ZWILCH: variants seen among roughly 807,000 people sequenced by gnomAD.
The protein encoded by ZWILCH is protein zwilch homolog.
ZWILCH carries 74 observed loss-of-function variants against 79.9 expected under a neutral mutation model. That is an observed-to-expected ratio of 0.93 (90% CI 0.77 to 1.12). The LOEUF is 1.12. ZWILCH is among the 50% of genes most tolerant of loss of function. The pLI is 0.00. For synonymous variants in ZWILCH, 241 were observed against 228.2 expected (o/e 1.06, Z -0.51); for missense variants, 694 against 687.5 (o/e 1.01, Z -0.11).
rs200101815 is a variant in ZWILCH, at chr15:66,518,862, T to C, written c.321-17T>C. 260 of 1,608,630 alleles carry C rather than the reference T, an allele frequency of 1.6e-4. 1 individual carries two copies. The African/African-American group carries it at 3.3e-3, about 20-fold the overall frequency. On this transcript the variant is annotated splice_polypyrimidine_tract_variant and intron_variant, in intron 4 of 18. Coordinates refer to ENST00000307897, the MANE Select transcript of ZWILCH (RefSeq NM_017975.5). Reference sequence around the variant, plus strand: ...GGAAATCTCTATCTATAATTTGTCCTTACTCTTGTTTTAAAGGCAGTTAAT... The same window carrying C: ...GGAAATCTCTATCTATAATTTGTCCCTACTCTTGTTTTAAAGGCAGTTAAT...
At chr15:66,522,164 C>T (rs766407414) in intron 7 of ZWILCH, among the ~76,000 whole-genome samples, 1 of 151,842 alleles carries the variant, frequency 6.6e-6, no homozygotes, top group South Asian at 2.1e-4. Context: ...TGCCACTGCG[C>T]TCCAGCCTGG....
chr15:66,545,346 T>C (rs907328201), intron 17 of ZWILCH, among the ~76,000 whole-genome samples: 3 of 152,026 alleles, frequency 2.0e-5, no homozygotes, highest in African/African-American at 7.2e-5. Context: ...AATAGCAAAA[T>C]TCTGTCTCCA....
intron 2 of ZWILCH, 77 bp from the exon 3 acceptor site, chr15:66,513,911 A>G (rs1894162352): frequency 8.5e-7 from 1 of 1,180,406 alleles, no homozygotes; most frequent in African/African-American, 1.5e-5. Flanking sequence ...TGACTTGCAT[A>G]GAACTGGTCT....
At chr15:66,513,441 C>T (rs1311551122) in intron 2 of ZWILCH, among the ~76,000 whole-genome samples, 1 of 151,950 alleles carries the variant, frequency 6.6e-6, no homozygotes, top group Non-Finnish European at 1.5e-5. Context: ...TGGCACACAC[C>T]TGAAGTTCCA....
Position 66,548,716 on chromosome 15 carries a change from C to T in ZWILCH, c.*392C>T, listed in dbSNP as rs1205018503. ...TTGGGAAAACTTAAAAAATAGCATC[C>T]TCAAATTTTCTGATTCTTATTTGCC... On this transcript the variant is annotated 3_prime_UTR_variant, in exon 19 of 19. Coordinates refer to ENST00000307897, the MANE Select transcript of ZWILCH (RefSeq NM_017975.5). 3 of 482,542 alleles carry T rather than the reference C, an allele frequency of 6.2e-6. No individual in the cohort carries two copies. Among genetic ancestry groups the T allele is most frequent in the Non-Finnish European group, 1.1e-5 (3 of 265,924 alleles). 29.9% of individuals were successfully genotyped at this position (482,542 alleles called of 1,614,324 possible). A position where few individuals can be genotyped will look rare whatever the true frequency, so the allele number is the denominator to read the frequency against.
At chr15:66,543,151 A>G (rs1895247361) in intron 17 of ZWILCH, among the ~76,000 whole-genome samples, 1 of 152,198 alleles carries the variant, frequency 6.6e-6, no homozygotes, top group Non-Finnish European at 1.5e-5. Flanking sequence ...ATGAGCCAAG[A>G]TCGTGCTCTT....
Position 66,546,712 on chromosome 15 carries a change from ATGT to A in ZWILCH, c.*26+9_*26+11del, listed in dbSNP as rs774849358. 11 of 1,481,662 alleles carry A rather than the reference ATGT, an allele frequency of 7.4e-6. No individual in the cohort carries two copies. Among genetic ancestry groups the A allele is most frequent in the Non-Finnish European group, 9.2e-6 (10 of 1,086,782 alleles). 91.8% of individuals were successfully genotyped at this position (1,481,662 alleles called of 1,614,324 possible). A position where few individuals can be genotyped will look rare whatever the true frequency, so the allele number is the denominator to read the frequency against. On this transcript the variant is annotated splice_region_variant and intron_variant, in intron 18 of 18. Coordinates refer to ENST00000307897, the MANE Select transcript of ZWILCH (RefSeq NM_017975.5). ...TGATGAAGTCCTCTATAAGGTATTT[ATGT>A]TCACATTTTAGTCTCTTTGTCAAAT...
rs1267873438 is a variant in ZWILCH, at chr15:66,548,615, CAA to C, written c.*293_*294del. 7.0e-6 allele frequency: 10 copies of C among 1,420,382 alleles called. No individual in the cohort carries two copies. Among genetic ancestry groups the C allele is most frequent in the Admixed American group, 1.7e-5 (1 of 59,642 alleles). 88.0% of individuals were successfully genotyped at this position (1,420,382 alleles called of 1,614,324 possible). A position where few individuals can be genotyped will look rare whatever the true frequency, so the allele number is the denominator to read the frequency against. The stretch of plus-strand genomic sequence containing the variant: ...TGACTTAGCAAGGGCTCTGAAATGA[CAA>C]AGAGAACGAGCACCACAAATGAGAA... On this transcript the variant is annotated 3_prime_UTR_variant, in exon 19 of 19. Coordinates refer to ENST00000307897, the MANE Select transcript of ZWILCH (RefSeq NM_017975.5).
chr15:66,508,857 A>C lies in ZWILCH; in HGVS notation c.70A>C (p.Lys24Gln), dbSNP rs1345185228. Reference protein sequence around the residue: ...SRLLQKFNEEKKGIRKDPFLY... With the variant: ...SRLLQKFNEEQKGIRKDPFLY... The stretch of plus-strand genomic sequence containing the variant: ...GCGTTTCAGGAAATTTAATGAAGAA[A>C]AGAAAGGAATCCGTAAAGACCCATT... Residue 24 changes from lysine (K) to glutamine (Q), a missense_variant, in exon 2 of 19, where the codon AAG (lysine) becomes CAG (glutamine). By Grantham distance (53) the Lys-to-Gln change is moderately conservative. Coordinates refer to ENST00000307897, the MANE Select transcript of ZWILCH (RefSeq NM_017975.5). 1 of 1,614,044 alleles carries C rather than the reference A, an allele frequency of 6.2e-7. No individual in the cohort carries two copies. Among genetic ancestry groups the C allele is most frequent in the East Asian group, 2.2e-5 (1 of 44,894 alleles).
intron 3 of ZWILCH, among the ~76,000 whole-genome samples, chr15:66,514,980 T>C (rs945093047): frequency 2.0e-5 from 3 of 152,066 alleles, no homozygotes; most frequent in African/African-American, 7.2e-5. Flanking sequence ...CTTGCTCTTT[T>C]GCCCAGGCTG....
At chr15:66,537,092 C>A in intron 15 of ZWILCH, 76 bp from the exon 16 acceptor site, 1 of 1,098,710 alleles carries the variant, frequency 9.1e-7, no homozygotes, top group Non-Finnish European at 1.3e-6. Flanking sequence ...GTTTCCCTTA[C>A]GAGCTTTAGA....
chr15:66,527,491 A>T, intron 9 of ZWILCH, 108 bp downstream of exon 9: 1 of 908,254 alleles, frequency 1.1e-6, no homozygotes, highest in Non-Finnish European at 1.7e-6. Context: ...CAAAGCTATG[A>T]GATCTGTTAT....
In ZWILCH at chr15:66,520,169, G is replaced by T. The variant is rs537165548; in HGVS notation, c.521-421G>T. 4.9e-4 allele frequency among the ~76,000 whole-genome samples: 74 copies of T among 151,664 alleles called. No individual in the cohort carries two copies. The Middle Eastern group carries it at 0.014, about 28-fold the overall frequency. On this transcript the variant is annotated intron_variant, in intron 5 of 18. Coordinates refer to ENST00000307897, the MANE Select transcript of ZWILCH (RefSeq NM_017975.5). Reference sequence around the variant, plus strand: ...AGGATCTTACTCTGTCACCCAGGCTGGAGTGCAGTGGCGCAATCATGGCTC... The same window carrying T: ...AGGATCTTACTCTGTCACCCAGGCTTGAGTGCAGTGGCGCAATCATGGCTC...
chr15:66,513,969 T>C lies in ZWILCH; in HGVS notation c.106-19T>C, dbSNP rs750446361. 33 of 1,587,702 alleles carry C rather than the reference T, an allele frequency of 2.1e-5. No individual in the cohort carries two copies. Among genetic ancestry groups the C allele is most frequent in the Middle Eastern group, 1.7e-4 (1 of 6,002 alleles). On this transcript the variant is annotated intron_variant, in intron 2 of 18. Transcript: ENST00000307897. ...TATATAAGTGTATGTATAATGTTGC[T>C]CGATACCTGTTTTAACAGGCTGATG...
chr15:66,540,127 T>C lies in ZWILCH; in HGVS notation c.1604T>C (p.Ile535Thr). 1.9e-6 allele frequency: 3 copies of C among 1,612,522 alleles called. No homozygotes were observed. Among genetic ancestry groups the C allele is most frequent in the Non-Finnish European group, 2.5e-6 (3 of 1,179,496 alleles). Residue 535 changes from isoleucine to threonine, a missense_variant, in exon 17 of 19, where the codon ATA (isoleucine) becomes ACA (threonine). Transcript: ENST00000307897. ...AAGCCACAGAAATGGAGAGTGGAAA[T>C]ATATAGTGGTCAAAAGAAGATTAAG... Reference protein sequence around the residue: ...SEKPQKWRVEIYSGQKKIKTV... With the variant: ...SEKPQKWRVETYSGQKKIKTV...
In ZWILCH at chr15:66,529,559, G is replaced by A. The variant is rs769995701; in HGVS notation, c.1141G>A (p.Asp381Asn). ...TLIIQSLQRG[D>N]IQPWLHSGSN... ...GATCATCCAGAGTCTACAACGTGGT[G>A]ATATACAGCCATGGGTAGGTTTAGT... Residue 381 changes from aspartate to asparagine, a missense_variant, in exon 12 of 19, where the codon GAT becomes AAT. Physicochemically the swap from Asp to Asn is conservative, Grantham distance 23. Coordinates refer to ENST00000307897, the MANE Select transcript of ZWILCH (RefSeq NM_017975.5). 1.4e-5 allele frequency: 22 copies of A among 1,613,522 alleles called. No homozygotes were observed. The Admixed American group carries it at 2.7e-4, about 20-fold the overall frequency.
chr15:66,528,972 T>A lies in ZWILCH; in HGVS notation c.1075+15T>A, dbSNP rs1379914832. ...AATGAGCAGTAGTAGGTGTCCATCA[T>A]GATTTAAATTTTTCCTCTTATTTCT... is the stretch of plus-strand genomic sequence containing the variant. On this transcript the variant is annotated intron_variant, in intron 11 of 18. Transcript: ENST00000307897. 6.2e-7 allele frequency: 1 copy of A among 1,600,404 alleles called. No homozygotes were observed. The highest frequency in any genetic ancestry group is 8.6e-7 in the Non-Finnish European group (1 of 1,167,996).
intron 10 of ZWILCH, among the ~76,000 whole-genome samples, chr15:66,528,243 A>G (rs1894745862): frequency 6.6e-6 from 1 of 152,196 alleles, no homozygotes; most frequent in African/African-American, 2.4e-5. Flanking sequence ...AGCTGGGACT[A>G]CTGGTGTGCA....
chr15:66,527,510 G>A, intron 9 of ZWILCH, 127 bp downstream of exon 9: 1 of 743,832 alleles, frequency 1.3e-6, no homozygotes, highest in Non-Finnish European at 2.2e-6. Flanking sequence ...ATGGTCAGAG[G>A]GACAGCTTTT....
Sources: gnomAD v4.1 joint callset for allele counts (sites outside exome capture counted in the v4.1 genomes callset) on GRCh38, gnomAD v4.1.1 for gene constraint, MANE v1.5 for transcripts, NCBI Gene and HGNC (gene_info 2026-07-23, HGNC 2026-07-21) for gene names.